Variants in IHO1 observed in about 807,000 individuals in gnomAD.
IHO1 encodes the protein interactor of HORMAD1 protein 1.
In IHO1, 13 loss-of-function variants were observed where a neutral mutation model predicts 31.0. The observed-to-expected ratio is 0.42, with a 90% CI of 0.27 to 0.67. The LOEUF is 0.67. IHO1 is among the 30% of genes least tolerant of loss of function. The pLI is 0.24. For missense variants in IHO1, 599 were observed against 687.5 expected (o/e 0.87, Z 1.44); for synonymous variants, 221 against 248.4 (o/e 0.89, Z 1.04).
chr3:49,213,241 G>C (rs1186726937), intron 2 of IHO1, among the ~76,000 whole-genome samples: 1 of 151,780 alleles, frequency 6.6e-6, no homozygotes, highest in Non-Finnish European at 1.5e-5. Context: ...GCACTGATTG[G>C]TGCATTTACA....
intron 2 of IHO1, among the ~76,000 whole-genome samples, chr3:49,227,699 T>C (rs1452596759): frequency 6.6e-6 from 1 of 152,176 alleles, no homozygotes; most frequent in Admixed American, 6.5e-5. Context: ...ACTGGGACTT[T>C]GCCCCGTCCT....
chr3:49,236,611 G>A lies in IHO1; in HGVS notation c.120G>A (p.Gln40=), dbSNP rs752362883. 1 of 1,613,634 alleles carries A rather than the reference G, an allele frequency of 6.2e-7. No homozygotes were observed. The part of the protein sequence containing the change: ...QNDYSSLSDS[Q]FLFGSQFCPE... ...ATTATTCCAGTCTCAGTGATTCCCA[G>A]TTCCTCTTTGGATCTCAGTTCTGTC... Residue 40 remains glutamine (Q), a synonymous_variant, in exon 3 of 8, where the codon CAG becomes CAA. Coordinates refer to ENST00000452691, the MANE Select transcript of IHO1 (RefSeq NM_001135197.2).
chr3:49,255,289 T>G (rs1424006898), intron 6 of IHO1, 101 bp from the exon 7 acceptor site: 10 of 773,734 alleles, frequency 1.3e-5, no homozygotes, highest in Admixed American at 1.2e-4. Flanking sequence ...CCGGTCTGCA[T>G]CCAGCTCCTC....
At chr3:49,227,222 T>C (rs2107707427) in intron 2 of IHO1, among the ~76,000 whole-genome samples, 1 of 152,318 alleles carries the variant, frequency 6.6e-6, no homozygotes, top group South Asian at 2.1e-4. Flanking sequence ...TTCCCTCAGA[T>C]GGCCATTTTT....
At chr3:49,234,634 T>TG (rs2046531789) in intron 2 of IHO1, among the ~76,000 whole-genome samples, 1 of 152,022 alleles carries the variant, frequency 6.6e-6, no homozygotes, top group South Asian at 2.1e-4. Context: ...TATGAATTTG[T>TG]GGGGGACACA....
At chr3:49,226,564 C>G (rs541347896) in intron 2 of IHO1, among the ~76,000 whole-genome samples, 76 of 152,264 alleles carry the variant, frequency 5.0e-4, no homozygotes, top group African/African-American at 1.6e-3. Flanking sequence ...TGATCTGAGT[C>G]AAGGTCCCAG....
At chr3:49,199,711 C>T (rs1474918911) in intron 1 of IHO1, 138 bp downstream of exon 1, 1 of 151,540 alleles carries the variant, frequency 6.6e-6, no homozygotes, top group Non-Finnish European at 1.5e-5. Context: ...GTCTTGTAGT[C>T]CCTCCCCTGC....
At chr3:49,204,860 T>TA (rs886966181) in intron 1 of IHO1, among the ~76,000 whole-genome samples, 14 of 150,294 alleles carry the variant, frequency 9.3e-5, no homozygotes, top group African/African-American at 1.7e-4. Context: ...CCATCTCTAC[T>TA]AAAAAAAAAT....
At chr3:49,193,910 C>T (rs1471357065), upstream of IHO1, among the ~76,000 whole-genome samples, 3 of 147,106 alleles carry the variant, frequency 2.0e-5, no homozygotes, top group Admixed American at 1.4e-4. Context: ...TGCAGTGAGC[C>T]GAGATTGTGC....
intron 4 of IHO1, 134 bp downstream of exon 4, chr3:49,241,523 G>T: frequency 1.6e-6 from 1 of 644,752 alleles, no homozygotes. Flanking sequence ...CCAAACCATA[G>T]GACTTACACA....
At chr3:49,200,798 C>T (rs2046060460) in intron 1 of IHO1, among the ~76,000 whole-genome samples, 1 of 152,118 alleles carries the variant, frequency 6.6e-6, no homozygotes, top group African/African-American at 2.4e-5. Flanking sequence ...GAACGAATAC[C>T]TCTTCCTTAC....
chr3:49,229,893 G>A (rs993595196), intron 2 of IHO1, among the ~76,000 whole-genome samples: 1 of 152,188 alleles, frequency 6.6e-6, no homozygotes, highest in Non-Finnish European at 1.5e-5. Flanking sequence ...GGGAGCACAA[G>A]TTCTAATTCC....
At chr3:49,231,715 A>T (rs899285524) in intron 2 of IHO1, among the ~76,000 whole-genome samples, 1 of 152,176 alleles carries the variant, frequency 6.6e-6, no homozygotes, top group Non-Finnish European at 1.5e-5. Context: ...CTCTTCCAGG[A>T]CCTTTAACTG....
chr3:49,216,673 C>T (rs1309257232), intron 2 of IHO1, among the ~76,000 whole-genome samples: 3 of 152,046 alleles, frequency 2.0e-5, no homozygotes, highest in Admixed American at 1.3e-4. Context: ...GAGCTATGCA[C>T]AGCAAAAGAA....
At position 49,256,350 on chromosome 3, in the gene IHO1, A is replaced by G; in HGVS notation, c.853A>G (p.Arg285Gly). Reference sequence around the variant, plus strand: ...TTTGGCCCAGAGCCTCAATCTCACCAGGCAGGAAAAATACACCTCTGAGAA... The same window carrying G: ...TTTGGCCCAGAGCCTCAATCTCACCGGGCAGGAAAAATACACCTCTGAGAA... Reference protein sequence around the residue: ...PPLAQSLNLTRQEKYTSEKPV... With the variant: ...PPLAQSLNLTGQEKYTSEKPV... The change falls in exon 8 of 8, where the codon AGG becomes GGG. Residue 285 changes from arginine to glycine, a missense_variant. Physicochemically the swap from Arg to Gly is moderately radical, Grantham distance 125. Transcript: ENST00000452691. This position sits in a 1 kb window ranked among gnomAD's most constrained non-coding sequence, Gnocchi z 4.6. The G allele has an allele frequency of 6.2e-7, 1 of 1,614,178 alleles. No homozygotes were observed. The highest frequency in any genetic ancestry group is 8.5e-7 in the Non-Finnish European group (1 of 1,180,024).
intron 2 of IHO1, among the ~76,000 whole-genome samples, chr3:49,226,390 T>C (rs2046417253): frequency 6.6e-6 from 1 of 152,072 alleles, no homozygotes; most frequent in Admixed American, 6.6e-5. Flanking sequence ...GACAGGGGAG[T>C]ATATTTTCTT....
intron 2 of IHO1, among the ~76,000 whole-genome samples, chr3:49,224,266 C>T (rs537168404): frequency 2.0e-5 from 3 of 152,138 alleles, no homozygotes; most frequent in South Asian, 2.1e-4. Context: ...AGGATCCTTC[C>T]GTAGGTATTT....
At chr3:49,216,951 G>C (rs2046294123) in intron 2 of IHO1, among the ~76,000 whole-genome samples, 1 of 152,174 alleles carries the variant, frequency 6.6e-6, no homozygotes, top group African/African-American at 2.4e-5. Flanking sequence ...ACCATCTCAA[G>C]CCAGTTAGAA....
chr3:49,250,659 A>T (rs556769798), intron 6 of IHO1, among the ~76,000 whole-genome samples: 1 of 152,352 alleles, frequency 6.6e-6, no homozygotes, highest in African/African-American at 2.4e-5. Context: ...TACCTAAGTA[A>T]ATAGCCTCTT....
Sources: allele counts gnomAD v4.1 joint callset (sites outside exome capture counted in the v4.1 genomes callset), GRCh38; gene constraint gnomAD v4.1.1; non-coding constraint Gnocchi (gnomAD v3.1); transcripts MANE v1.5; gene names NCBI Gene and HGNC (gene_info 2026-07-23, HGNC 2026-07-21).